GPC6: variants seen among roughly 807,000 people sequenced by gnomAD.
The protein encoded by GPC6 is glypican-6.
A neutral mutation model predicts 55.2 loss-of-function variants in GPC6; 14 were observed. The observed-to-expected ratio is 0.25, with a 90% CI of 0.17 to 0.40. GPC6 has a LOEUF of 0.40. Among genes scored for constraint, GPC6 ranks in the 10% least tolerant of loss-of-function variants. GPC6 has a pLI of 1.00. For missense variants in GPC6, 641 were observed against 708.5 expected (o/e 0.90, Z 1.08); for synonymous variants, 278 against 259.6 (o/e 1.07, Z -0.68).
chr13:94,011,946 A>G (rs1338319829), intron 3 of GPC6, among the ~76,000 whole-genome samples: 1 of 152,246 alleles, frequency 6.6e-6, no homozygotes, highest in Non-Finnish European at 1.5e-5. Context: ...AAATTCAGTC[A>G]TAGCCATCTA....
chr13:94,391,130 A>G (rs982585588), intron 7 of GPC6, among the ~76,000 whole-genome samples: 1 of 152,174 alleles, frequency 6.6e-6, no homozygotes, highest in Non-Finnish European at 1.5e-5. Context: ...TGTGTTCTCC[A>G]AAAGCATCCC....
At chr13:94,030,234 T>C (rs1883072846) in intron 4 of GPC6, among the ~76,000 whole-genome samples, 1 of 151,982 alleles carries the variant, frequency 6.6e-6, no homozygotes, top group South Asian at 2.1e-4. Context: ...TGGTCTCGAT[T>C]TCCTGACCTC....
At chr13:93,426,782 T>A (rs1292734748) in intron 1 of GPC6, among the ~76,000 whole-genome samples, 1 of 151,962 alleles carries the variant, frequency 6.6e-6, no homozygotes, top group Non-Finnish European at 1.5e-5. Context: ...CAAATGGTAT[T>A]TCTAGTTCTA....
At chr13:93,719,395 G>A (rs975588204) in intron 2 of GPC6, among the ~76,000 whole-genome samples, 5 of 151,908 alleles carry the variant, frequency 3.3e-5, no homozygotes, top group Non-Finnish European at 5.9e-5. Context: ...GTCTATTATT[G>A]GTGTATAGGA....
At chr13:93,352,781 G>C (rs1880678230) in intron 1 of GPC6, among the ~76,000 whole-genome samples, 1 of 152,254 alleles carries the variant, frequency 6.6e-6, no homozygotes, top group South Asian at 2.1e-4. Context: ...CACGGTGTCT[G>C]AGCAGGGGAG....
chr13:94,369,409 G>A (rs1188558123), intron 6 of GPC6, among the ~76,000 whole-genome samples: 1 of 152,150 alleles, frequency 6.6e-6, no homozygotes, highest in African/African-American at 2.4e-5. Context: ...GACAGCCATG[G>A]GCTGAAGGAG....
rs1385125267 is a variant in GPC6, at chr13:93,229,968, T to C, written c.160+2352T>C. Among the ~76,000 whole-genome samples the C allele has an allele frequency of 2.0e-5, 3 of 152,210 alleles. No homozygotes were observed. The East Asian group carries it at 5.8e-4, about 29-fold the overall frequency. ...TAATCACTTAGGAAATATACCCTGT[T>C]GTTACAGGAACACACTCTATCTCTC... On this transcript the variant is annotated intron_variant, in intron 1 of 8. Transcript: ENST00000377047.
chr13:93,975,538 AATT>A (rs1294308833), intron 3 of GPC6, among the ~76,000 whole-genome samples: 2 of 152,192 alleles, frequency 1.3e-5, no homozygotes, highest in East Asian at 3.9e-4. Flanking sequence ...GAGAAACAAA[AATT>A]ATTTTTTAAA....
chr13:94,178,025 A>ATTTTTTTTTT lies in GPC6; in HGVS notation c.878-108322_878-108313dup, dbSNP rs767978319. On this transcript the variant is annotated intron_variant, in intron 4 of 8. Transcript: ENST00000377047. ...ATCATTCTTTTTCAGTGGCCTTTTAATTTTTTTTTTTGAGATGGAGTCTCA... is the reference window on the plus strand; with the variant it reads ...ATCATTCTTTTTCAGTGGCCTTTTAATTTTTTTTTTTTTTTTTTTTTGAGATGGAGTCTCA... 6.8e-5 allele frequency among the ~76,000 whole-genome samples: 9 copies of ATTTTTTTTTT among 132,992 alleles called. 1 individual carries two copies. Among genetic ancestry groups the ATTTTTTTTTT allele is most frequent in the African/African-American group, 2.5e-4 (8 of 31,578 alleles). 87.2% of individuals were successfully genotyped at this position (132,992 alleles called of 152,430 possible). A position where few individuals can be genotyped will look rare whatever the true frequency, so the allele number is the denominator to read the frequency against.
At chr13:94,202,833 A>G (rs1372027457) in intron 4 of GPC6, among the ~76,000 whole-genome samples, 1 of 152,076 alleles carries the variant, frequency 6.6e-6, no homozygotes, top group African/African-American at 2.4e-5. Context: ...GTAGGTGAGG[A>G]GGAGCCTGGT....
intron 4 of GPC6, among the ~76,000 whole-genome samples, chr13:94,234,926 C>T (rs1890834919): frequency 6.6e-6 from 1 of 152,030 alleles, no homozygotes; most frequent in Non-Finnish European, 1.5e-5. Flanking sequence ...CTCATAGAGA[C>T]AGTCAAATGG....
At chr13:94,005,198 A>G (rs1881966410) in intron 3 of GPC6, among the ~76,000 whole-genome samples, 1 of 152,226 alleles carries the variant, frequency 6.6e-6, no homozygotes, top group Non-Finnish European at 1.5e-5. Flanking sequence ...ACAACATGAA[A>G]TTGAATTTTA....
intron 2 of GPC6, among the ~76,000 whole-genome samples, chr13:93,802,125 C>T (rs1297915091): frequency 6.6e-6 from 1 of 151,874 alleles, no homozygotes; most frequent in Non-Finnish European, 1.5e-5. Flanking sequence ...GTTGTTTTTT[C>T]ACTGTAAGTA....
chr13:94,072,471 A>G (rs561249812), intron 4 of GPC6, among the ~76,000 whole-genome samples: 6 of 152,128 alleles, frequency 3.9e-5, no homozygotes, highest in Non-Finnish European at 4.4e-5. Context: ...CTTCTGCGTC[A>G]GCCTGCCAAG....
intron 1 of GPC6, among the ~76,000 whole-genome samples, chr13:93,363,582 C>T (rs933970784): frequency 2.0e-5 from 3 of 151,614 alleles, no homozygotes; most frequent in Non-Finnish European, 2.9e-5. Context: ...GTGAATAATG[C>T]CGCAATAAAC....
intron 4 of GPC6, among the ~76,000 whole-genome samples, chr13:94,248,840 A>G (rs1891272625): frequency 6.6e-6 from 1 of 152,132 alleles, no homozygotes; most frequent in Non-Finnish European, 1.5e-5. Context: ...ACCACCTGTG[A>G]ATTATGGCTG....
At chr13:93,918,730 G>T (rs1289649348) in intron 3 of GPC6, among the ~76,000 whole-genome samples, 1 of 152,168 alleles carries the variant, frequency 6.6e-6, no homozygotes, top group Non-Finnish European at 1.5e-5. Flanking sequence ...AACATCTGGA[G>T]AATCTGGACA....
At chr13:93,331,109 T>C (rs543106025) in intron 1 of GPC6, among the ~76,000 whole-genome samples, 1 of 152,254 alleles carries the variant, frequency 6.6e-6, no homozygotes, top group Non-Finnish European at 1.5e-5. Flanking sequence ...TTTGTTTCAG[T>C]CTTATTTTTT....
At chr13:93,522,499 A>G (rs1230665239) in intron 1 of GPC6, among the ~76,000 whole-genome samples, 4 of 152,002 alleles carry the variant, frequency 2.6e-5, no homozygotes, top group East Asian at 1.9e-4. Context: ...TGTATGGACT[A>G]TGATTATATC....
Sources: gnomAD v4.1 joint callset for allele counts (sites outside exome capture counted in the v4.1 genomes callset) on GRCh38, gnomAD v4.1.1 for gene constraint, MANE v1.5 for transcripts, NCBI Gene and HGNC (gene_info 2026-07-23, HGNC 2026-07-21) for gene names.